Variants in WDR1 observed in about 807,000 individuals in gnomAD.
WDR1 encodes WD repeat domain 1.
WDR1 carries 21 observed loss-of-function variants against 71.9 expected under a neutral mutation model. That is an observed-to-expected ratio of 0.29 (90% CI 0.21 to 0.42). The LOEUF (loss-of-function observed/expected upper bound fraction) is 0.42. Among genes scored for constraint, WDR1 ranks in the 10% least tolerant of loss-of-function variants. The pLI, the probability that WDR1 is intolerant of heterozygous loss-of-function variation, is 1.00. For synonymous variants in WDR1, 424 were observed against 347.4 expected (o/e 1.22, Z -2.45); for missense variants, 696 against 824.5 (o/e 0.84, Z 1.91).
chr4:10,098,099 G>A (rs1027189864), intron 4 of WDR1, among the ~76,000 whole-genome samples: 2 of 152,034 alleles, frequency 1.3e-5, no homozygotes, highest in Non-Finnish European at 2.9e-5. Context: ...AGAACAAGAT[G>A]GGGCAAGCCG....
intron 8 of WDR1, among the ~76,000 whole-genome samples, chr4:10,085,099 C>G (rs1460796900): frequency 6.6e-6 from 1 of 152,224 alleles, no homozygotes. Flanking sequence ...GTGGAGGGCA[C>G]ACAAGGCTGG....
rs1401512617 is a variant in WDR1 at position 10,116,716 on chromosome 4, G to A, written c.-50C>T. On this transcript the variant is annotated 5_prime_UTR_variant, in exon 1 of 15. Transcript: ENST00000499869. ...CGCTCGCCGAGAGCCTCCGGGGCCG[G>A]CCCGCGCTGCGAATTACACCTCGCC... 3 of 1,318,742 alleles carry A rather than the reference G, an allele frequency of 2.3e-6. No individual in the cohort carries two copies. The highest frequency in any genetic ancestry group is 9.7e-7 in the Non-Finnish European group (1 of 1,030,884). 81.7% of individuals were successfully genotyped at this position (1,318,742 alleles called of 1,614,324 possible). A position where few individuals can be genotyped will look rare whatever the true frequency, so the allele number is the denominator to read the frequency against.
At chr4:10,086,745 C>G (rs926465026) in intron 8 of WDR1, among the ~76,000 whole-genome samples, 1 of 152,186 alleles carries the variant, frequency 6.6e-6, no homozygotes, top group African/African-American at 2.4e-5. Flanking sequence ...AAAGCAGGAG[C>G]CCGAGAAGGG....
At chr4:10,094,993 G>A (rs1259557387) in intron 5 of WDR1, 3 of 152,330 alleles carry the variant, frequency 2.0e-5, no homozygotes, top group Non-Finnish European at 4.4e-5. Flanking sequence ...TCCCACCTGG[G>A]TAACTAGGGA....
chr4:10,094,523 G>C (rs1047155374), intron 5 of WDR1, among the ~76,000 whole-genome samples: 1 of 152,192 alleles, frequency 6.6e-6, no homozygotes, highest in African/African-American at 2.4e-5. Flanking sequence ...AGATGGTCTC[G>C]CCACCCTCCC....
At chr4:10,089,988 C>T (rs1048721810) in intron 5 of WDR1, among the ~76,000 whole-genome samples, 1 of 152,156 alleles carries the variant, frequency 6.6e-6, no homozygotes, top group African/African-American at 2.4e-5. Flanking sequence ...TCCAGCAGGA[C>T]TTGGTGTCCT....
At chr4:10,110,730 T>C (rs146451801) in intron 2 of WDR1, among the ~76,000 whole-genome samples, 20 of 152,356 alleles carry the variant, frequency 1.3e-4, no homozygotes, top group African/African-American at 4.8e-4. Context: ...GAAGGTTCTT[T>C]ACCAGAGTTT....
At position 10,078,941 on chromosome 4, in the gene WDR1, C is replaced by T. The variant is rs1402261965; in HGVS notation, c.1345G>A (p.Glu449Lys). 2 of 1,612,996 alleles carry T rather than the reference C, an allele frequency of 1.2e-6. No individual in the cohort carries two copies. Among genetic ancestry groups the T allele is most frequent in the East Asian group, 2.2e-5 (1 of 44,762 alleles). The change falls in exon 12 of 15, where the codon GAA becomes AAA. Residue 449 changes from glutamate to lysine, a missense_variant. Glu to Lys is a moderately conservative substitution (Grantham distance 56). Coordinates refer to ENST00000499869, the MANE Select transcript of WDR1 (RefSeq NM_017491.5). ...CCGCCGGGGTGCACTGCCACAACTT[C>T]GGGCTCGTAGCCGGGGTTGTCGATG... ...FSIDNPGYEP[E>K]VVAVHPGGDT...
chr4:10,078,150 A>G (rs1327821503), intron 12 of WDR1, among the ~76,000 whole-genome samples: 1 of 152,180 alleles, frequency 6.6e-6, no homozygotes, highest in Non-Finnish European at 1.5e-5. Context: ...CGCTGGTCTC[A>G]TGAGGCCCTC....
intron 10 of WDR1, among the ~76,000 whole-genome samples, chr4:10,082,776 C>T (rs920675622): frequency 6.6e-6 from 1 of 152,206 alleles, no homozygotes; most frequent in South Asian, 2.1e-4. Flanking sequence ...ATCTGCTGCC[C>T]CTGCTTCCAG....
At chr4:10,084,294 C>A in intron 9 of WDR1, 149 bp downstream of exon 9, 2 of 673,058 alleles carry the variant, frequency 3.0e-6, no homozygotes, top group African/African-American at 1.8e-5. Context: ...ACAGACAGGC[C>A]ACCCCTAGAA....
chr4:10,090,848 A>G (rs963731759), intron 5 of WDR1, among the ~76,000 whole-genome samples: 8 of 152,232 alleles, frequency 5.3e-5, no homozygotes, highest in African/African-American at 1.7e-4. Context: ...GGATGAGCAG[A>G]TTGTCCTCCC....
chr4:10,114,715 T>C (rs1212250905), intron 2 of WDR1, among the ~76,000 whole-genome samples: 1 of 152,248 alleles, frequency 6.6e-6, no homozygotes, highest in Admixed American at 6.5e-5. Flanking sequence ...TCATTACCAT[T>C]AGATCCCTGG....
chr4:10,114,026 A>T (rs1052252952), intron 2 of WDR1, among the ~76,000 whole-genome samples: 5 of 152,150 alleles, frequency 3.3e-5, no homozygotes, highest in African/African-American at 7.2e-5. Context: ...CTGAACGGTC[A>T]TGCCAATTCA....
intron 5 of WDR1, chr4:10,091,674 A>AC (rs1260613524): frequency 5.3e-5 from 8 of 152,118 alleles, no homozygotes; most frequent in Non-Finnish European, 1.0e-4. Context: ...GCCCATTTGC[A>AC]TCCCCCCTTC....
intron 14 of WDR1, 76 bp from the exon 15 acceptor site, chr4:10,075,560 A>G (rs2109627763): frequency 7.3e-7 from 1 of 1,361,304 alleles, no homozygotes; most frequent in Non-Finnish European, 1.0e-6. Flanking sequence ...AGGAAGATGG[A>G]ACAACCTGTG....
chr4:10,077,122 C>T (rs531282033), intron 14 of WDR1, 182 bp downstream of exon 14: 32 of 891,818 alleles, frequency 3.6e-5, no homozygotes, highest in East Asian at 1.9e-4. Flanking sequence ...TCCCTCAGTA[C>T]GGCCAGCAGC....
chr4:10,116,311 G>A lies in WDR1; in HGVS notation c.17-77C>T, dbSNP rs759824836. On this transcript the variant is annotated intron_variant, in intron 1 of 14. Coordinates refer to ENST00000499869, the MANE Select transcript of WDR1 (RefSeq NM_017491.5). ...GGGACAGAAGGGAGAAGGAGCCCCG[G>A]ACCGGTCTCGGCCGGTCACCTGTTG... The A allele has an allele frequency of 4.4e-6, 7 of 1,595,062 alleles. 1 individual carries two copies. The South Asian group carries it at 7.8e-5, about 18-fold the overall frequency.
chr4:10,097,988 G>A (rs1712455934), intron 4 of WDR1, 97 bp from the exon 5 acceptor site: 1 of 1,277,672 alleles, frequency 7.8e-7, no homozygotes, highest in African/African-American at 1.5e-5. Context: ...CCAGTGCACA[G>A]AGGATGGAGT....
Sources: allele counts gnomAD v4.1 joint callset (sites outside exome capture counted in the v4.1 genomes callset), GRCh38; gene constraint gnomAD v4.1.1; transcripts MANE v1.5; gene names NCBI Gene and HGNC (gene_info 2026-07-23, HGNC 2026-07-21).